Variants in AP3D1 observed in about 807,000 individuals in gnomAD.
AP3D1 encodes the protein adaptor related protein complex 3 subunit delta 1, also known as AP-3 complex subunit delta-1.
Under a neutral mutation model 147.6 loss-of-function variants are expected in AP3D1, and 51 were observed. The ratio of observed to expected loss-of-function variants is 0.35; its 90% CI spans 0.28 to 0.44. The LOEUF (loss-of-function observed/expected upper bound fraction) is 0.44. Among genes scored for constraint, AP3D1 ranks in the 20% least tolerant of loss-of-function variants. The probability of loss-of-function intolerance (pLI) is 1.00; values close to 1 mark genes in which losing one functional copy is unlikely to be tolerated. For synonymous variants in AP3D1, 760 were observed against 663.0 expected, an observed-to-expected ratio of 1.15 and a Z score of -2.25; for missense variants, 1,421 against 1,624.2, an observed-to-expected ratio of 0.87 and a Z score of 2.15.
At chr19:2,108,848 G>T (rs1276245842) in intron 30 of AP3D1, 82 bp from the exon 31 acceptor site, 1 of 1,453,712 alleles carries the variant, frequency 6.9e-7, no homozygotes. Context: ...CACCTTCTTG[G>T]GCTGCCCTTG....
At chr19:2,118,286 CCACTGCCAG>C (rs2018513692) in intron 15 of AP3D1, among the ~76,000 whole-genome samples, 1 of 152,206 alleles carries the variant, frequency 6.6e-6, no homozygotes, top group Non-Finnish European at 1.5e-5. Context: ...CCAGAAAGAG[CCACTGCCAG>C]CCCCAGGCTC....
rs1227479623 is a variant in AP3D1 at position 2,114,118 on chromosome 19, G to A, written c.2601+7C>T. 6.4e-7 allele frequency: 1 copy of A among 1,555,620 alleles called. No homozygotes were observed. Among genetic ancestry groups the A allele is most frequent in the Middle Eastern group, 1.7e-4 (1 of 5,970 alleles). ...GAGAAGGCCGCCGCCCTGGGCACTA[G>A]CCTTACCTTCTTCTCCTTCTCCTTC... On this transcript the variant is annotated splice_region_variant and intron_variant, in intron 22 of 31. Transcript: ENST00000643116.
intron 1 of AP3D1, among the ~76,000 whole-genome samples, chr19:2,147,766 C>A (rs1599497221): frequency 6.7e-6 from 1 of 150,338 alleles, no homozygotes; most frequent in African/African-American, 2.5e-5. Context: ...TGGTGGCACT[C>A]GCCTGTTGTC....
At chr19:2,134,843 C>T (rs968195996) in intron 4 of AP3D1, among the ~76,000 whole-genome samples, 1 of 151,360 alleles carries the variant, frequency 6.6e-6, no homozygotes, top group African/African-American at 2.4e-5. Context: ...TCAGAAGATC[C>T]ACCCGCCTCA....
chr19:2,120,750 G>C, intron 14 of AP3D1, 112 bp downstream of exon 14: 2 of 1,082,698 alleles, frequency 1.8e-6, no homozygotes, highest in South Asian at 1.5e-5. Context: ...CAAGACGGCC[G>C]GGGTGGCAGG....
chr19:2,123,499 A>T, intron 10 of AP3D1, 93 bp from the exon 11 acceptor site: 1 of 1,348,018 alleles, frequency 7.4e-7, no homozygotes, highest in Non-Finnish European at 1.0e-6. Context: ...ACCTGGCCTA[A>T]GGCCCGGCGT....
intron 4 of AP3D1, among the ~76,000 whole-genome samples, chr19:2,135,875 C>G (rs1477271028): frequency 1.3e-5 from 2 of 152,096 alleles, no homozygotes; most frequent in Non-Finnish European, 2.9e-5. Flanking sequence ...GGCTGGAGCC[C>G]TCCACCCTCC....
rs954850357 is a variant in AP3D1, at chr19:2,164,198, T to C, written c.-103+158A>G. On this transcript the variant is annotated intron_variant, in intron 1 of 14. Transcript: ENST00000643010. ...GCGCGCGCGGACATGGGGGAGAAGC[T>C]GGAGCTGAGACTGAAGTCGCCCGTG... The C allele has an allele frequency of 8.8e-6, 11 of 1,248,092 alleles. No homozygotes were observed. The African/African-American group carries it at 1.7e-4, about 20-fold the overall frequency. 77.3% of individuals were successfully genotyped at this position (1,248,092 alleles called of 1,614,324 possible). A position where few individuals can be genotyped will look rare whatever the true frequency, so the allele number is the denominator to read the frequency against.
At chr19:2,136,931 A>AACC in intron 4 of AP3D1, 80 bp downstream of exon 4, 2 of 1,309,878 alleles carry the variant, frequency 1.5e-6, no homozygotes, top group Non-Finnish European at 2.1e-6. Flanking sequence ...TGCCCACAGG[A>AACC]AGACGCGTGT....
At position 2,148,307 on chromosome 19, in the gene AP3D1, CAT is replaced by C. The variant is rs547973826; in HGVS notation, c.96+2930_96+2931del. On this transcript the variant is annotated intron_variant, in intron 1 of 31. Transcript: ENST00000643116. ...TCCCAAGTGGACCAAGACACATACA[CAT>C]GAGACCACTACTTCTCACGCTTTTT... Among the ~76,000 whole-genome samples, 57 of 152,328 alleles carry C rather than the reference CAT, an allele frequency of 3.7e-4. 1 individual carries two copies. The highest frequency in any genetic ancestry group is 2.5e-3 in the South Asian group (12 of 4,832).
intron 1 of AP3D1, among the ~76,000 whole-genome samples, chr19:2,162,095 G>C (rs2019709548): frequency 6.8e-6 from 1 of 148,092 alleles, no homozygotes; most frequent in African/African-American, 2.5e-5. Context: ...GAGTGCAGTG[G>C]CACGATCTCG....
In AP3D1 at chr19:2,151,329, G is replaced by A. The variant is rs529254859; in HGVS notation, c.6C>T (p.Ala2=). 29 of 1,583,874 alleles carry A rather than the reference G, an allele frequency of 1.8e-5. No homozygotes were observed. Among genetic ancestry groups the A allele is most frequent in the Middle Eastern group, 3.4e-4 (2 of 5,868 alleles). The change falls in exon 1 of 32, where the codon GCC becomes GCT. Residue 2 remains alanine, a synonymous_variant. Coordinates refer to ENST00000643116, the MANE Select transcript of AP3D1 (RefSeq NM_001261826.3). The part of the protein sequence containing the change: M[A]LKMVKGSIDR... ...CGATGCTGCCCTTCACCATCTTGAG[G>A]GCCATCGCGGCGGCCCACGGGCTTT...
chr19:2,146,419 T>A (rs939831528), intron 1 of AP3D1, among the ~76,000 whole-genome samples: 5 of 151,934 alleles, frequency 3.3e-5, no homozygotes, highest in Non-Finnish European at 7.4e-5. Flanking sequence ...GCCTGGCCGA[T>A]ACAGTGAAAC....
chr19:2,141,719 C>T (rs1412549374), intron 1 of AP3D1, among the ~76,000 whole-genome samples: 2 of 151,362 alleles, frequency 1.3e-5, no homozygotes, highest in Admixed American at 1.3e-4. Context: ...GGATTACAGG[C>T]GTGAGCCACC....
chr19:2,137,127 C>T (rs1433656636), intron 3 of AP3D1, 36 bp from the exon 4 acceptor site: 2 of 1,530,766 alleles, frequency 1.3e-6, no homozygotes, highest in Non-Finnish European at 8.9e-7. Flanking sequence ...AGAGGCAGGA[C>T]ACCCGCAGCC....
chr19:2,113,411 A>G lies in AP3D1; in HGVS notation c.2604T>C (p.Ala868=). The G allele has an allele frequency of 6.8e-7, 1 of 1,470,398 alleles. No homozygotes were observed. The highest frequency in any genetic ancestry group is 9.0e-7 in the Non-Finnish European group (1 of 1,112,394). The allele number at this position is 1,470,398 out of a possible 1,614,324, so 91.1% of individuals were successfully genotyped here. ...KEKKKEKEKK[A]EDLDFWLSTT... is the part of the protein sequence containing the mutation. The stretch of plus-strand genomic sequence containing the variant: ...TAGACAGCCAGAAGTCCAGGTCCTC[A>G]GCCTGAAACCACAAGACAGGCTGTC... The change falls in exon 23 of 32, where the codon GCT becomes GCC. Residue 868 remains alanine, a splice_region_variant and synonymous_variant. Transcript: ENST00000643116.
At chr19:2,125,682 T>C (rs905706196) in intron 9 of AP3D1, among the ~76,000 whole-genome samples, 1 of 152,124 alleles carries the variant, frequency 6.6e-6, no homozygotes, top group African/African-American at 2.4e-5. Context: ...GTGTATAGAT[T>C]ACCCAGGTAG....
At chr19:2,133,536 AC>A (rs538285134) in intron 4 of AP3D1, 7 of 150,826 alleles carry the variant, frequency 4.6e-5, no homozygotes, top group Admixed American at 1.3e-4. Flanking sequence ...GACGAGTCTC[AC>A]TCTGTCCCCC....
In AP3D1 at chr19:2,111,575, G is replaced by T; in HGVS notation, c.2937+104C>A. 4.2e-6 allele frequency: 6 copies of T among 1,416,472 alleles called. No individual in the cohort carries two copies. In the Middle Eastern group the frequency reaches 1.0e-3, roughly 239 times the overall value. 87.7% of individuals were successfully genotyped at this position (1,416,472 alleles called of 1,614,324 possible). On this transcript the variant is annotated intron_variant, in intron 25 of 31. Transcript: ENST00000643116. ...CCCCCGCCAGGCTCGGCTTCTTCTC[G>T]AATCTGCTCAGTTCTCTCCCGCATG... is the stretch of plus-strand genomic sequence containing the variant.
Sources: allele counts gnomAD v4.1 joint callset (sites outside exome capture counted in the v4.1 genomes callset), GRCh38; gene constraint gnomAD v4.1.1; transcripts MANE v1.5; gene names NCBI Gene and HGNC (gene_info 2026-07-23, HGNC 2026-07-21).